Variants in RPS6KA6 observed in about 807,000 individuals in gnomAD.
RPS6KA6 encodes the protein ribosomal protein S6 kinase alpha-6.
Under a neutral mutation model 65.4 loss-of-function variants are expected in RPS6KA6, and 27 were observed. The observed-to-expected ratio is 0.41, with a 90% CI of 0.30 to 0.57. The LOEUF is 0.57. Among genes scored for constraint, RPS6KA6 ranks in the 20% least tolerant of loss-of-function variants. The pLI is 0.24. For synonymous variants in RPS6KA6, 190 were observed against 184.2 expected (o/e 1.03, Z -0.26); for missense variants, 486 against 555.6 (o/e 0.87, Z 1.26).
rs564003433 is a variant in RPS6KA6 at position 84,117,936 on chromosome X, C to A, written c.790-482G>T. 4.5e-5 allele frequency among the ~76,000 whole-genome samples: 5 copies of A among 110,662 alleles called. No homozygotes were observed. In the South Asian group the frequency reaches 1.9e-3, roughly 43 times the overall value. ...AAAGAAGTAGAAGCAGCAGAACACA[C>A]CACCACCACCACCCCCTGCCACACA... On this transcript the variant is annotated intron_variant, in intron 9 of 21. Transcript: ENST00000262752.
intron 12 of RPS6KA6, among the ~76,000 whole-genome samples, chrX:84,114,315 TC>T: frequency 9.1e-6 from 1 of 109,875 alleles, no homozygotes; most frequent in Non-Finnish European, 1.9e-5. Flanking sequence ...TACCGAGACC[TC>T]ATCTTTACCA....
chrX:84,145,617 G>T, intron 5 of RPS6KA6, 60 bp from the exon 6 acceptor site: 1 of 599,992 alleles, frequency 1.7e-6, no homozygotes, highest in Non-Finnish European at 2.5e-6. Context: ...AGCTTAGTAT[G>T]CTTTTAAATT....
chrX:84,174,770 C>T (rs1252455644), intron 1 of RPS6KA6, among the ~76,000 whole-genome samples: 4 of 111,446 alleles, frequency 3.6e-5, no homozygotes, highest in Non-Finnish European at 7.5e-5. Flanking sequence ...TCTTCCATCT[C>T]TCTATCATAC....
intron 2 of RPS6KA6, among the ~76,000 whole-genome samples, chrX:84,162,737 C>T (rs73232992): frequency 0.075 from 8,355 of 111,639 alleles, 416 homozygotes; most frequent in Admixed American, 0.25. Context: ...CAGCCTTCTC[C>T]TTCTCCACTG....
At position 84,105,853 on chromosome X, in the gene RPS6KA6, G is replaced by A; in HGVS notation, c.1389C>T (p.Asp463=). Residue 463 remains aspartate (D), a synonymous_variant, in exon 16 of 22, where the codon GAC becomes GAT. Transcript: ENST00000262752. The part of the protein sequence containing the change: ...AVKIIDKSKR[D]PSEEIEILMR... The stretch of plus-strand genomic sequence containing the variant: ...TCAATATTTCAATCTCTTCTGAAGG[G>A]TCTCGCTTACTTTTGTCAATGATCT... 8.6e-7 allele frequency: 1 copy of A among 1,158,900 alleles called. No individual in the cohort carries two copies. Among genetic ancestry groups the A allele is most frequent in the Non-Finnish European group, 1.2e-6 (1 of 856,114 alleles).
At position 84,129,383 on chromosome X, in the gene RPS6KA6, T is replaced by C. The variant is rs994540493; in HGVS notation, c.646+5399A>G. ...GGATGGAGAGAAAAAGGAAACCTCA[T>C]ACGCTGTTGGTGAGAATGTAAATCA... is the stretch of plus-strand genomic sequence containing the variant. On this transcript the variant is annotated intron_variant, in intron 8 of 21. Coordinates refer to ENST00000262752, the MANE Select transcript of RPS6KA6 (RefSeq NM_014496.5). Among the ~76,000 whole-genome samples, 9 of 111,294 alleles carry C rather than the reference T, an allele frequency of 8.1e-5. No individual in the cohort carries two copies. The South Asian group carries it at 2.3e-3, about 28-fold the overall frequency.
chrX:84,069,810 A>C (rs1286516936), intron 20 of RPS6KA6, among the ~76,000 whole-genome samples: 1 of 112,711 alleles, frequency 8.9e-6, no homozygotes, highest in Non-Finnish European at 1.9e-5. Flanking sequence ...TATGAAAAAA[A>C]GCTCATCATC....
chrX:84,146,284 CTG>C (rs951129970), intron 5 of RPS6KA6, among the ~76,000 whole-genome samples: 7 of 111,150 alleles, frequency 6.3e-5, no homozygotes, highest in Non-Finnish European at 1.1e-4. Flanking sequence ...ATAGTGATAA[CTG>C]GGTATATATT....
At chrX:84,067,995 C>A in intron 20 of RPS6KA6, among the ~76,000 whole-genome samples, 1 of 111,729 alleles carries the variant, frequency 9.0e-6, no homozygotes, top group East Asian at 2.8e-4. Flanking sequence ...ATTTTCAACC[C>A]AGAATTTCAT....
chrX:84,130,663 C>A (rs1349776464), intron 8 of RPS6KA6, among the ~76,000 whole-genome samples: 1 of 111,689 alleles, frequency 9.0e-6, no homozygotes, highest in Non-Finnish European at 1.9e-5. Flanking sequence ...TGAAACACTA[C>A]TTAGCAATTT....
chrX:84,138,755 G>A (rs1232033768), intron 6 of RPS6KA6, among the ~76,000 whole-genome samples: 1 of 108,377 alleles, frequency 9.2e-6, no homozygotes, highest in African/African-American at 3.4e-5. Flanking sequence ...TCTTGAATAA[G>A]GAAAATAGAG....
At position 84,148,082 on chromosome X, in the gene RPS6KA6, C is replaced by G; in HGVS notation, c.300G>C (p.Gln100His). ...TTTTTAACACCTTCATTGCATAGAGCTGCCCAGCATCAGGACCGGTCTTCT... is the reference window on the plus strand; with the variant it reads ...TTTTTAACACCTTCATTGCATAGAGGTGCCCAGCATCAGGACCGGTCTTCT... Reference protein sequence around the residue: ...VRKKTGPDAGQLYAMKVLKKA... With the variant: ...VRKKTGPDAGHLYAMKVLKKA... The change falls in exon 4 of 22, where the codon CAG becomes CAC. Residue 100 changes from glutamine (Q) to histidine (H), a missense_variant. Transcript: ENST00000262752. The G allele has an allele frequency of 8.4e-7, 1 of 1,187,796 alleles. No homozygotes were observed. Among genetic ancestry groups the G allele is most frequent in the Non-Finnish European group, 1.1e-6 (1 of 881,754 alleles).
At chrX:84,116,541 A>C (rs2034569126) in intron 11 of RPS6KA6, among the ~76,000 whole-genome samples, 1 of 111,322 alleles carries the variant, frequency 9.0e-6, no homozygotes, top group African/African-American at 3.3e-5. Flanking sequence ...ATAATACTTA[A>C]ACTTAAATAC....
At chrX:84,174,631 T>C (rs965301731) in intron 1 of RPS6KA6, among the ~76,000 whole-genome samples, 1 of 111,974 alleles carries the variant, frequency 8.9e-6, no homozygotes, top group Non-Finnish European at 1.9e-5. Flanking sequence ...ATTTGCCATT[T>C]TGAATTACCT....
At chrX:84,153,340 C>T (rs2035361983) in intron 3 of RPS6KA6, among the ~76,000 whole-genome samples, 1 of 111,162 alleles carries the variant, frequency 9.0e-6, no homozygotes, top group African/African-American at 3.3e-5. Context: ...GACGACTAAT[C>T]AGACAATTTC....
chrX:84,180,731 G>A (rs751826964), intron 1 of RPS6KA6, among the ~76,000 whole-genome samples: 5 of 111,816 alleles, frequency 4.5e-5, no homozygotes, highest in Admixed American at 1.9e-4. Context: ...GACAGGCATG[G>A]CTATTGAATC....
intron 8 of RPS6KA6, among the ~76,000 whole-genome samples, chrX:84,134,440 G>A (rs764406780): frequency 1.7e-4 from 19 of 111,315 alleles, no homozygotes; most frequent in Non-Finnish European, 3.0e-4. Context: ...GTGGTTGCCA[G>A]GAGTTAGGGA....
chrX:84,066,530 G>A (rs1480509659), intron 20 of RPS6KA6, among the ~76,000 whole-genome samples: 7 of 110,812 alleles, frequency 6.3e-5, no homozygotes, highest in South Asian at 7.7e-4. Flanking sequence ...TTACCATGGC[G>A]CAGCAAAGCG....
chrX:84,185,797 T>G (rs2035920450), intron 1 of RPS6KA6, among the ~76,000 whole-genome samples: 1 of 111,931 alleles, frequency 8.9e-6, no homozygotes. Context: ...TTGTAGAGCT[T>G]GTACTCAAAA....
Sources: allele counts gnomAD v4.1 joint callset (sites outside exome capture counted in the v4.1 genomes callset), GRCh38; gene constraint gnomAD v4.1.1; transcripts MANE v1.5; gene names NCBI Gene and HGNC (gene_info 2026-07-23, HGNC 2026-07-21).